The following TMEM47 variants were observed in gnomAD, a reference collection of about 807,000 sequenced individuals.
The protein encoded by TMEM47 is brain cell membrane protein 1.
A neutral mutation model predicts 12.4 loss-of-function variants in TMEM47; 3 were observed. The observed-to-expected ratio is 0.24, with a 90% confidence interval of 0.11 to 0.63. The LOEUF is 0.63. Among genes scored for constraint, TMEM47 ranks in the 20% least tolerant of loss-of-function variants. The pLI, the probability that TMEM47 is intolerant of heterozygous loss-of-function variation, is 0.86. For missense variants in TMEM47, 89 were observed against 143.8 expected (o/e 0.62, Z 1.95); for synonymous variants, 62 against 63.3 (o/e 0.98, Z 0.10).
Position 34,628,333 on chromosome X carries a change from T to C in TMEM47, c.*1980A>G, listed in dbSNP as rs906722823. On this transcript the variant is annotated 3_prime_UTR_variant, in exon 3 of 3. Coordinates refer to ENST00000275954, the MANE Select transcript of TMEM47 (RefSeq NM_031442.4). Reference sequence around the variant, plus strand: ...ATTTTACTATTTCTCAAAAAATTGCTTCAAAAGACTCTATAATACTATCTT... The same window carrying C: ...ATTTTACTATTTCTCAAAAAATTGCCTCAAAAGACTCTATAATACTATCTT... The C allele has an allele frequency of 2.7e-5, 3 of 111,935 alleles. No individual in the cohort carries two copies. Among genetic ancestry groups the C allele is most frequent in the African/African-American group, 9.7e-5 (3 of 30,781 alleles). The allele number at this position is 111,935 out of a possible 1,213,427, so 9.2% of individuals were successfully genotyped here.
intron 1 of TMEM47, among the ~76,000 whole-genome samples, chrX:34,651,445 G>A (rs1445807695): frequency 2.7e-5 from 3 of 112,060 alleles, no homozygotes; most frequent in Non-Finnish European, 5.6e-5. Flanking sequence ...TGACCCTACA[G>A]TTCCAGACGT....
rs193179626 is a variant in TMEM47 at position 34,649,581 on chromosome X, G to A, written c.226+7223C>T. 3.3e-3 allele frequency among the ~76,000 whole-genome samples: 366 copies of A among 110,793 alleles called. 1 individual carries two copies. The highest frequency in any genetic ancestry group is 4.8e-3 in the Non-Finnish European group (256 of 52,908). ...AGGGTGGGAGGAGGGAGAGGATCAG[G>A]AAAAATAATAACTATTGGGTACTAG... is the stretch of plus-strand genomic sequence containing the variant. On this transcript the variant is annotated intron_variant, in intron 1 of 2. Coordinates refer to ENST00000275954, the MANE Select transcript of TMEM47 (RefSeq NM_031442.4).
At position 34,635,470 on chromosome X, in the gene TMEM47, G is replaced by T. The variant is rs1383285498; in HGVS notation, c.367+3777C>A. ...ATCAAAGGGACAAGTGACAAGACCA[G>T]ATGTTTATGTCACAAGGAGACCTCA... is the stretch of plus-strand genomic sequence containing the variant. On this transcript the variant is annotated intron_variant, in intron 2 of 2. Transcript: ENST00000275954. 2.7e-5 allele frequency among the ~76,000 whole-genome samples: 3 copies of T among 111,475 alleles called. No individual in the cohort carries two copies. In the East Asian group the frequency reaches 8.5e-4, roughly 32 times the overall value.
intron 2 of TMEM47, 27 bp downstream of exon 2, chrX:34,639,220 T>A (rs1447703535): frequency 1.7e-6 from 2 of 1,167,551 alleles, no homozygotes; most frequent in Non-Finnish European, 2.3e-6. Flanking sequence ...ACTTTAATAC[T>A]CATTTGAAAG....
At chrX:34,644,047 G>C (rs1921864991) in intron 1 of TMEM47, among the ~76,000 whole-genome samples, 2 of 109,955 alleles carry the variant, frequency 1.8e-5, no homozygotes, top group Admixed American at 2.0e-4. Flanking sequence ...CTCAAGATAA[G>C]TGTATGCTTC....
At chrX:34,647,955 A>G (rs2060002503) in intron 1 of TMEM47, among the ~76,000 whole-genome samples, 1 of 111,884 alleles carries the variant, frequency 8.9e-6, no homozygotes, top group Non-Finnish European at 1.9e-5. Flanking sequence ...CAATTGCCAC[A>G]CAAAAAAAAT....
intron 1 of TMEM47, among the ~76,000 whole-genome samples, chrX:34,644,214 C>G (rs371688453): frequency 1.8e-4 from 20 of 112,114 alleles, no homozygotes; most frequent in Admixed American, 4.7e-4. Context: ...ACATGCAACT[C>G]AGGAACTGAT....
Position 34,656,897 on chromosome X carries a change from T to C in TMEM47, c.133A>G (p.Thr45Ala), listed in dbSNP as rs764950643. ...GACAGGTAGTACTGGTGGTCAGCTG[T>C]GACCCAGGCCGGGCTCAGCACCGCC... ...LGAVLSPAWV[T>A]ADHQYYLSLW... Residue 45 changes from threonine to alanine, a missense_variant, in exon 1 of 3, where the codon ACA becomes GCA. Coordinates refer to ENST00000275954, the MANE Select transcript of TMEM47 (RefSeq NM_031442.4). 8.5e-7 allele frequency: 1 copy of C among 1,178,519 alleles called. No homozygotes were observed. The highest frequency in any genetic ancestry group is 3.2e-5 in the East Asian group (1 of 31,693).
chrX:34,648,180 A>C (rs1211599967), intron 1 of TMEM47, among the ~76,000 whole-genome samples: 1 of 112,096 alleles, frequency 8.9e-6, no homozygotes, highest in Admixed American at 9.5e-5. Context: ...AGAACTAGAA[A>C]ACCTATTTTC....
rs758575818 is a variant in TMEM47 at position 34,639,831 on chromosome X, G to A, written c.227-444C>T. Among the ~76,000 whole-genome samples, 4 of 110,665 alleles carry A rather than the reference G, an allele frequency of 3.6e-5. No individual in the cohort carries two copies. The South Asian group carries it at 1.2e-3, about 32-fold the overall frequency. On this transcript the variant is annotated intron_variant, in intron 1 of 2. Transcript: ENST00000275954. ...TCTATCACCCAGATTTTTCTCTTGCGCCCCTTCCCAGTCAATAATGACCCT... is the reference window on the plus strand; with the variant it reads ...TCTATCACCCAGATTTTTCTCTTGCACCCCTTCCCAGTCAATAATGACCCT...
At chrX:34,635,467 C>T (rs1418009089) in intron 2 of TMEM47, among the ~76,000 whole-genome samples, 1 of 111,323 alleles carries the variant, frequency 9.0e-6, no homozygotes, top group East Asian at 2.8e-4. Context: ...AGTGACAAGA[C>T]CAGATGTTTA....
intron 1 of TMEM47, among the ~76,000 whole-genome samples, chrX:34,651,575 C>T (rs1388975680): frequency 4.5e-5 from 5 of 112,224 alleles, no homozygotes; most frequent in Non-Finnish European, 9.4e-5. Flanking sequence ...TTATTTTACA[C>T]GACTAACTTT....
At chrX:34,641,521 G>GT (rs1183185644) in intron 1 of TMEM47, among the ~76,000 whole-genome samples, 1 of 111,706 alleles carries the variant, frequency 9.0e-6, no homozygotes, top group Non-Finnish European at 1.9e-5. Flanking sequence ...GCAATAGATT[G>GT]TTTTTTCCTG....
intron 1 of TMEM47, among the ~76,000 whole-genome samples, chrX:34,643,230 C>A (rs1374912294): frequency 1.8e-5 from 2 of 111,072 alleles, no homozygotes; most frequent in Non-Finnish European, 3.8e-5. Context: ...TTTATAGACA[C>A]CTACTAATGG....
chrX:34,643,260 G>A (rs995149308), intron 1 of TMEM47, among the ~76,000 whole-genome samples: 17 of 110,542 alleles, frequency 1.5e-4, no homozygotes, highest in African/African-American at 5.3e-4. Flanking sequence ...TAATAGGCTG[G>A]GCTTTACATT....
chrX:34,647,275 T>A (rs189077496), intron 1 of TMEM47, among the ~76,000 whole-genome samples: 2 of 111,826 alleles, frequency 1.8e-5, no homozygotes, highest in East Asian at 5.6e-4. Context: ...ATGAAAATTT[T>A]AGTTCTTTTG....
chrX:34,654,978 C>T (rs1172871673), intron 1 of TMEM47, among the ~76,000 whole-genome samples: 1 of 111,573 alleles, frequency 9.0e-6, no homozygotes, highest in Non-Finnish European at 1.9e-5. Context: ...TTGCATTAGG[C>T]TTGCGTCTCC....
intron 1 of TMEM47, among the ~76,000 whole-genome samples, chrX:34,650,201 A>G (rs1432109731): frequency 8.9e-6 from 1 of 112,410 alleles, no homozygotes; most frequent in East Asian, 2.8e-4. Context: ...CAAATCATGG[A>G]TGATAAATAA....
In TMEM47 at chrX:34,628,351, A is replaced by AC. The variant is rs1390183996; in HGVS notation, c.*1961dup. 1.8e-5 allele frequency: 2 copies of AC among 111,621 alleles called. No homozygotes were observed. Among genetic ancestry groups the AC allele is most frequent in the Admixed American group, 1.9e-4 (2 of 10,402 alleles). 9.2% of individuals were successfully genotyped at this position (111,621 alleles called of 1,213,427 possible). On this transcript the variant is annotated 3_prime_UTR_variant, in exon 3 of 3. Coordinates refer to ENST00000275954, the MANE Select transcript of TMEM47 (RefSeq NM_031442.4). ...AAATTGCTTCAAAAGACTCTATAAT[A>AC]CTATCTTTCTGGAGAATTTCCACTC...
Sources: gnomAD v4.1 joint callset for allele counts (sites outside exome capture counted in the v4.1 genomes callset) on GRCh38, gnomAD v4.1.1 for gene constraint, MANE v1.5 for transcripts, NCBI Gene and HGNC (gene_info 2026-07-23, HGNC 2026-07-21) for gene names.